The following CENPP variants were observed in gnomAD, a reference collection of about 807,000 sequenced individuals.
CENPP encodes centromere protein P.
A neutral mutation model predicts 35.6 loss-of-function variants in CENPP; 24 were observed. The ratio of observed to expected loss-of-function variants is 0.67; its 90% CI spans 0.49 to 0.95. The LOEUF is 0.95. Ranked by LOEUF, CENPP falls within the 40% of genes least tolerant of loss-of-function variation. The probability of loss-of-function intolerance (pLI) is 0.00; values close to 1 mark genes in which losing one functional copy is unlikely to be tolerated. For synonymous variants in CENPP, 120 were observed against 125.5 expected (o/e 0.96, Z 0.29); for missense variants, 332 against 345.3 (o/e 0.96, Z 0.31).
At chr9:92,328,858 T>C (rs569639551) in intron 1 of CENPP, among the ~76,000 whole-genome samples, 2 of 152,374 alleles carry the variant, frequency 1.3e-5, no homozygotes, top group South Asian at 2.1e-4. Context: ...TGGCAAAATA[T>C]ACATAAGATT....
At chr9:92,594,296 G>A (rs942478411) in intron 5 of CENPP, among the ~76,000 whole-genome samples, 6 of 152,150 alleles carry the variant, frequency 3.9e-5, no homozygotes, top group Non-Finnish European at 7.4e-5. Context: ...GTGGGATCAC[G>A]GGGAACCTAA....
chr9:92,572,376 G>A (rs897389077), intron 5 of CENPP, among the ~76,000 whole-genome samples: 1 of 152,178 alleles, frequency 6.6e-6, no homozygotes, highest in Non-Finnish European at 1.5e-5. Flanking sequence ...ATGAAATTCT[G>A]GGTTGAAAAT....
chr9:92,555,253 G>A (rs1849700792), intron 5 of CENPP, among the ~76,000 whole-genome samples: 2 of 85,036 alleles, frequency 2.4e-5, no homozygotes, highest in East Asian at 3.5e-4. Flanking sequence ...TTTAGATGGA[G>A]TTTCGCTCTT....
intron 5 of CENPP, among the ~76,000 whole-genome samples, chr9:92,519,401 C>G (rs1257698604): frequency 6.6e-6 from 1 of 152,190 alleles, no homozygotes; most frequent in African/African-American, 2.4e-5. Context: ...CTCACACTTT[C>G]AGATTTCAAA....
At chr9:92,358,939 T>C (rs1216448614) in intron 4 of CENPP, among the ~76,000 whole-genome samples, 1 of 141,766 alleles carries the variant, frequency 7.1e-6, no homozygotes, top group East Asian at 2.1e-4. Flanking sequence ...TATCTCTTTT[T>C]TTTTCTTTCT....
intron 5 of CENPP, among the ~76,000 whole-genome samples, chr9:92,514,220 C>T (rs888963748): frequency 6.7e-6 from 1 of 149,952 alleles, no homozygotes; most frequent in Admixed American, 6.6e-5. Context: ...CCTCAGCCTC[C>T]TGAGTAGCTG....
chr9:92,584,218 T>C (rs1850492774), intron 5 of CENPP, among the ~76,000 whole-genome samples: 1 of 152,246 alleles, frequency 6.6e-6, no homozygotes, highest in Non-Finnish European at 1.5e-5. Flanking sequence ...CTGCAGTGAC[T>C]CCCAGCATGC....
intron 5 of CENPP, among the ~76,000 whole-genome samples, chr9:92,383,022 A>G (rs1197322919): frequency 2.7e-5 from 4 of 148,746 alleles, no homozygotes; most frequent in African/African-American, 1.0e-4. Flanking sequence ...TCAGCCTCCC[A>G]GTAGCTGGGA....
chr9:92,460,399 AGT>A, intron 5 of CENPP: 1 of 873,002 alleles, frequency 1.1e-6, no homozygotes, highest in East Asian at 2.6e-5. Flanking sequence ...CTAAACAGAC[AGT>A]GATCTCTACC....
At chr9:92,595,553 T>C (rs1850759462) in intron 5 of CENPP, among the ~76,000 whole-genome samples, 1 of 151,512 alleles carries the variant, frequency 6.6e-6, no homozygotes, top group South Asian at 2.1e-4. Context: ...GTTTTTTGTT[T>C]TTTGTTTTTG....
At chr9:92,512,251 C>A in intron 5 of CENPP, 1 of 546,866 alleles carries the variant, frequency 1.8e-6, no homozygotes, top group Non-Finnish European at 3.3e-6. Flanking sequence ...ATACTCAGAA[C>A]AAGGACAGAA....
chr9:92,398,330 C>T (rs764015541), intron 5 of CENPP, among the ~76,000 whole-genome samples: 32 of 152,070 alleles, frequency 2.1e-4, no homozygotes, highest in Non-Finnish European at 4.0e-4. Context: ...CATTTATATA[C>T]GTATTTGGTT....
chr9:92,518,062 C>T (rs986582955), intron 5 of CENPP, among the ~76,000 whole-genome samples: 1 of 152,208 alleles, frequency 6.6e-6, no homozygotes. Flanking sequence ...ACAGGCTCTC[C>T]TCTCAGCCCT....
intron 5 of CENPP, among the ~76,000 whole-genome samples, chr9:92,546,836 C>T (rs949243275): frequency 3.3e-5 from 5 of 152,074 alleles, no homozygotes; most frequent in Admixed American, 6.6e-5. Flanking sequence ...ATCAGAAAAT[C>T]TAAATTGTCT....
chr9:92,550,351 G>A (rs940478075), intron 5 of CENPP, among the ~76,000 whole-genome samples: 11 of 151,474 alleles, frequency 7.3e-5, no homozygotes, highest in East Asian at 5.8e-4. Flanking sequence ...AGCCGAGATC[G>A]TGCCATTGCA....
chr9:92,573,108 T>A (rs1850186341), intron 5 of CENPP, among the ~76,000 whole-genome samples: 1 of 152,234 alleles, frequency 6.6e-6, no homozygotes, highest in Non-Finnish European at 1.5e-5. Context: ...CTCGTCAAAG[T>A]CATTCTCCGT....
At chr9:92,413,398 A>C (rs1230592756) in intron 5 of CENPP, among the ~76,000 whole-genome samples, 1 of 151,994 alleles carries the variant, frequency 6.6e-6, no homozygotes, top group Non-Finnish European at 1.5e-5. Flanking sequence ...TCTTGCCAAC[A>C]CTTGTTATTT....
At chr9:92,355,633 A>G (rs1351748748) in intron 4 of CENPP, among the ~76,000 whole-genome samples, 2 of 152,266 alleles carry the variant, frequency 1.3e-5, no homozygotes, top group African/African-American at 2.4e-5. Flanking sequence ...TTCATTTGCT[A>G]TAGCTTCTAC....
At chr9:92,441,501 G>A (rs1028272022) in intron 5 of CENPP, among the ~76,000 whole-genome samples, 16 of 152,294 alleles carry the variant, frequency 1.1e-4, no homozygotes, top group Non-Finnish European at 1.8e-4. Context: ...GCTCACACCT[G>A]TAATCCCCAC....
Sources: gnomAD v4.1 joint callset for allele counts (sites outside exome capture counted in the v4.1 genomes callset) on GRCh38, gnomAD v4.1.1 for gene constraint, MANE v1.5 for transcripts, NCBI Gene and HGNC (gene_info 2026-07-23, HGNC 2026-07-21) for gene names.